TENM3: variants seen among roughly 807,000 people sequenced by gnomAD.
The protein encoded by TENM3 is teneurin transmembrane protein 3.
A neutral mutation model predicts 255.1 loss-of-function variants in TENM3; 63 were observed. The observed-to-expected ratio is 0.25, with a 90% CI of 0.20 to 0.30. The LOEUF is 0.30. TENM3 is among the 10% of genes least tolerant of loss of function. TENM3 has a pLI of 1.00. For missense variants in TENM3, 2,929 were observed against 3,461.1 expected (o/e 0.85, Z 3.86); for synonymous variants, 1,306 against 1,322.3 (o/e 0.99, Z 0.27).
At chr4:181,490,459 A>T in the TENM3 span, among the ~76,000 whole-genome samples, 7 of 148,980 alleles carry the variant, frequency 4.7e-5, no homozygotes, top group East Asian at 1.5e-3. Context: ...TTATGAGTTT[A>T]AACAGTATCT....
chr4:181,547,486 G>A, the TENM3 span, among the ~76,000 whole-genome samples: 71,279 of 151,798 alleles, frequency 0.47, 17,578 homozygotes, highest in Admixed American at 0.59. Context: ...TTGAAATAAG[G>A]AAATATAAAA....
chr4:181,526,356 C>A, the TENM3 span, among the ~76,000 whole-genome samples: 7 of 151,992 alleles, frequency 4.6e-5, 1 homozygote, highest in East Asian at 1.2e-3. Context: ...GTATTTTGAC[C>A]CTGTCAAACC....
At chr4:182,218,761 C>G (rs1371273838) in intron 1 of TENM3, among the ~76,000 whole-genome samples, 1 of 152,016 alleles carries the variant, frequency 6.6e-6, no homozygotes, top group African/African-American at 2.4e-5. Context: ...AAGTGCACAC[C>G]TAATATATTC....
At chr4:182,346,460 C>A (rs557376501) in intron 2 of TENM3, among the ~76,000 whole-genome samples, 191 bp from the exon 3 acceptor site, 2 of 152,140 alleles carry the variant, frequency 1.3e-5, no homozygotes, top group African/African-American at 4.8e-5. Flanking sequence ...GGGGCCCCGC[C>A]CTCCTCCCAT....
At chr4:181,630,536 G>C in the TENM3 span, among the ~76,000 whole-genome samples, 88 of 152,160 alleles carry the variant, frequency 5.8e-4, no homozygotes, top group African/African-American at 2.0e-3. Context: ...CTGGTATGTT[G>C]TGTCTTTGTT....
At chr4:181,602,267 T>C in the TENM3 span, among the ~76,000 whole-genome samples, 1 of 152,202 alleles carries the variant, frequency 6.6e-6, no homozygotes, top group Non-Finnish European at 1.5e-5. Flanking sequence ...TTAAAAGAAA[T>C]TCCATTGATT....
chr4:182,764,677 A>G (rs895861895), intron 22 of TENM3, among the ~76,000 whole-genome samples: 5 of 152,280 alleles, frequency 3.3e-5, no homozygotes, highest in African/African-American at 1.2e-4. Flanking sequence ...GAATGACAGG[A>G]GCATCGAATG....
intron 1 of TENM3, among the ~76,000 whole-genome samples, chr4:182,151,247 T>A (rs1311360737): frequency 1.3e-5 from 2 of 152,122 alleles, no homozygotes; most frequent in Admixed American, 6.6e-5. Flanking sequence ...TAGAATATAC[T>A]TTACAGGGAG....
At chr4:181,889,240 C>A in the TENM3 span, among the ~76,000 whole-genome samples, 8 of 152,062 alleles carry the variant, frequency 5.3e-5, no homozygotes, top group African/African-American at 1.9e-4. Context: ...CGTGGTGATG[C>A]GTGCGTTCAC....
chr4:181,934,082 G>A, the TENM3 span, among the ~76,000 whole-genome samples: 13 of 151,424 alleles, frequency 8.6e-5, no homozygotes, highest in African/African-American at 2.9e-4. Context: ...GTGTGCGCGC[G>A]CTTTTAAATC....
At chr4:181,727,084 G>A in the TENM3 span, among the ~76,000 whole-genome samples, 4 of 152,126 alleles carry the variant, frequency 2.6e-5, no homozygotes, top group African/African-American at 9.7e-5. Flanking sequence ...ATGCCTCTTG[G>A]GTTTTTATGG....
At chr4:182,231,113 A>G (rs1316697118) in intron 1 of TENM3, among the ~76,000 whole-genome samples, 1 of 151,520 alleles carries the variant, frequency 6.6e-6, no homozygotes, top group Non-Finnish European at 1.5e-5. Context: ...AGAGCTTCCT[A>G]TTTTTTCTTG....
chr4:182,014,676 A>G, the TENM3 span, among the ~76,000 whole-genome samples: 1 of 152,096 alleles, frequency 6.6e-6, no homozygotes. Context: ...GGTGAGAAGC[A>G]AAACAAATAG....
Position 182,403,657 on chromosome 4 carries a change from C to A in TENM3, c.511+56728C>A, listed in dbSNP as rs571902225. On this transcript the variant is annotated intron_variant, in intron 3 of 27. Transcript: ENST00000511685. Reference sequence around the variant, plus strand: ...GCTAAAAGAAGCACATTCTTACCACCGTGGAACAATTGGATGCCTTTATGA... The same window carrying A: ...GCTAAAAGAAGCACATTCTTACCACAGTGGAACAATTGGATGCCTTTATGA... Among the ~76,000 whole-genome samples the A allele has an allele frequency of 5.9e-5, 9 of 152,278 alleles. No individual in the cohort carries two copies. The South Asian group carries it at 1.7e-3, about 28-fold the overall frequency.
chr4:182,575,527 C>T (rs1162135973), intron 3 of TENM3, among the ~76,000 whole-genome samples: 1 of 152,096 alleles, frequency 6.6e-6, no homozygotes. Flanking sequence ...TAAAAAGAGA[C>T]ACAGGCTTTT....
intron 1 of TENM3, among the ~76,000 whole-genome samples, chr4:182,153,948 G>A (rs1161837300): frequency 1.3e-5 from 2 of 152,070 alleles, no homozygotes; most frequent in Non-Finnish European, 2.9e-5. Flanking sequence ...GGAAAGTGAA[G>A]TATAAATAGT....
intron 2 of TENM3, among the ~76,000 whole-genome samples, chr4:182,342,751 C>T (rs1267873404): frequency 6.6e-6 from 1 of 152,058 alleles, no homozygotes; most frequent in Non-Finnish European, 1.5e-5. Context: ...GGAGAGAATG[C>T]CTTCCCCGTG....
the TENM3 span, among the ~76,000 whole-genome samples, chr4:181,806,476 AT>A: frequency 1.3e-5 from 2 of 152,228 alleles, no homozygotes; most frequent in Non-Finnish European, 2.9e-5. Flanking sequence ...TTGTGACAGT[AT>A]TAAGATGTGA....
intron 3 of TENM3, among the ~76,000 whole-genome samples, chr4:182,572,924 G>A (rs1426257425): frequency 6.6e-6 from 1 of 152,096 alleles, no homozygotes; most frequent in East Asian, 1.9e-4. Context: ...GAGTAGGAGA[G>A]GAAATAAAGA....
Sources: allele counts gnomAD v4.1 joint callset (sites outside exome capture counted in the v4.1 genomes callset), GRCh38; gene constraint gnomAD v4.1.1; transcripts MANE v1.5; gene names NCBI Gene and HGNC (gene_info 2026-07-23, HGNC 2026-07-21).